The following AIG1 variants were observed in gnomAD, a reference collection of about 807,000 sequenced individuals.
AIG1 encodes androgen-induced gene 1 protein.
AIG1 carries 23 observed loss-of-function variants against 31.4 expected under a neutral mutation model. The ratio of observed to expected loss-of-function variants is 0.73; its 90% confidence interval spans 0.53 to 1.04. The LOEUF is 1.04. Among genes scored for constraint, AIG1 ranks in the 50% least tolerant of loss-of-function variants. AIG1 has a pLI of 0.00. For missense variants in AIG1, 274 were observed against 295.0 expected (o/e 0.93, Z 0.52); for synonymous variants, 100 against 110.5 (o/e 0.90, Z 0.60).
Position 143,268,503 on chromosome 6 carries a change from T to C in AIG1, c.400-15607T>C, listed in dbSNP as rs1796302843. Among the ~76,000 whole-genome samples the C allele has an allele frequency of 6.6e-6, 1 of 152,234 alleles. No individual in the cohort carries two copies. The highest frequency in any genetic ancestry group is 2.1e-4 in the South Asian group (1 of 4,834). ...CCAGTTATATGTCAAGGAGGCTTAT[T>C]AGCTGTGCATGACCATATATAAAAT... On this transcript the variant is annotated intron_variant, in intron 3 of 5. Coordinates refer to ENST00000357847, the MANE Select transcript of AIG1 (RefSeq NM_016108.4). The surrounding 1 kb of genome is among the most constrained non-coding windows in gnomAD (Gnocchi z 5.0).
intron 1 of AIG1, among the ~76,000 whole-genome samples, chr6:143,063,212 A>G (rs1011666105): frequency 6.6e-6 from 1 of 152,246 alleles, no homozygotes; most frequent in African/African-American, 2.4e-5. Flanking sequence ...GCATTCAATG[A>G]TTGGACTTGC....
At chr6:143,163,371 G>A (rs1388937915) in intron 2 of AIG1, among the ~76,000 whole-genome samples, 2 of 152,184 alleles carry the variant, frequency 1.3e-5, no homozygotes, top group African/African-American at 4.8e-5. Flanking sequence ...GCTTAGAAAC[G>A]CTAGCCAGTT....
chr6:143,142,279 T>C (rs992297415), intron 2 of AIG1, among the ~76,000 whole-genome samples: 1 of 152,106 alleles, frequency 6.6e-6, no homozygotes, highest in Non-Finnish European at 1.5e-5. Flanking sequence ...CCACTAAATT[T>C]CCCAGGCTGG....
intron 1 of AIG1, among the ~76,000 whole-genome samples, chr6:143,102,226 G>C (rs1280711992): frequency 6.6e-6 from 1 of 151,590 alleles, no homozygotes; most frequent in African/African-American, 2.4e-5. Flanking sequence ...ACACAATCTT[G>C]TGGATATGTG....
rs1777785720 is a variant in AIG1, at chr6:143,339,915, A to G, written c.*239A>G. On this transcript the variant is annotated 3_prime_UTR_variant, in exon 6 of 6. Transcript: ENST00000357847. ...TCCCAAAGTCATTACTGATAATAAC[A>G]TTTTTTCCTTTTCTAGTTTTAAAAC... The G allele has an allele frequency of 1.1e-5, 4 of 352,130 alleles. No homozygotes were observed. The highest frequency in any genetic ancestry group is 1.5e-5 in the Non-Finnish European group (3 of 198,944). The allele number at this position is 352,130 out of a possible 1,614,324, so 21.8% of individuals were successfully genotyped here. A position where few individuals can be genotyped will look rare whatever the true frequency, so the allele number is the denominator to read the frequency against.
chr6:143,192,148 T>G (rs955525806), intron 3 of AIG1, among the ~76,000 whole-genome samples: 14 of 152,214 alleles, frequency 9.2e-5, no homozygotes, highest in African/African-American at 3.4e-4. Context: ...TTGAGGAGTC[T>G]GAGGATGTTC....
chr6:143,304,520 G>A (rs1473899891), intron 4 of AIG1, among the ~76,000 whole-genome samples: 1 of 152,118 alleles, frequency 6.6e-6, no homozygotes, highest in Admixed American at 6.6e-5. Context: ...TTATATGCTG[G>A]ATTACATTTA....
chr6:143,321,667 G>A lies in AIG1; in HGVS notation c.516-11615G>A, dbSNP rs1026881579. On this transcript the variant is annotated intron_variant, in intron 4 of 5. Coordinates refer to ENST00000357847, the MANE Select transcript of AIG1 (RefSeq NM_016108.4). ...GTTGAATGTGGCTTCCTCTGGGGCA[G>A]AACAGGGCATGAAGAGGAAACTAAA... Among the ~76,000 whole-genome samples, 91 of 152,170 alleles carry A rather than the reference G, an allele frequency of 6.0e-4. 1 individual carries two copies. The highest frequency in any genetic ancestry group is 2.2e-3 in the African/African-American group (90 of 41,444).
chr6:143,118,655 GTATT>G (rs918056485), intron 1 of AIG1, among the ~76,000 whole-genome samples: 1 of 152,082 alleles, frequency 6.6e-6, no homozygotes, highest in African/African-American at 2.4e-5. Context: ...CACGTCTCCT[GTATT>G]TATTCAATCA....
At chr6:143,238,500 T>G (rs1202137603) in intron 3 of AIG1, among the ~76,000 whole-genome samples, 21 of 152,246 alleles carry the variant, frequency 1.4e-4, no homozygotes, top group Admixed American at 1.4e-3. Flanking sequence ...AACTGGGTCA[T>G]ATGTTGAGCC....
chr6:143,119,884 A>G lies in AIG1; in HGVS notation c.142-16951A>G, dbSNP rs866301129. On this transcript the variant is annotated intron_variant, in intron 1 of 5. Transcript: ENST00000357847. ...AGAAGTTGGACTTTGTATATTTACC[A>G]AAACAATTTGTCCTGGGCTCAGTGT... Among the ~76,000 whole-genome samples the G allele has an allele frequency of 6.6e-5, 10 of 152,324 alleles. No individual in the cohort carries two copies. In the South Asian group the frequency reaches 1.2e-3, roughly 19 times the overall value.
intron 1 of AIG1, among the ~76,000 whole-genome samples, chr6:143,068,039 G>C (rs953153203): frequency 6.6e-6 from 1 of 152,144 alleles, no homozygotes; most frequent in Non-Finnish European, 1.5e-5. Context: ...GCCTGGTTTT[G>C]TTAGAGTGGG....
intron 4 of AIG1, among the ~76,000 whole-genome samples, chr6:143,300,502 A>C (rs1001182677): frequency 8.5e-5 from 13 of 152,186 alleles, no homozygotes; most frequent in African/African-American, 3.1e-4. Context: ...TCCCAGTGTA[A>C]TCTAGCATTA....
At chr6:143,223,522 T>C (rs114252421) in intron 3 of AIG1, among the ~76,000 whole-genome samples, 1,630 of 152,302 alleles carry the variant, frequency 0.011, 28 homozygotes, top group African/African-American at 0.035. Context: ...GTGTTGCTTT[T>C]TGAAATGCTG....
intron 2 of AIG1, among the ~76,000 whole-genome samples, chr6:143,140,957 G>A (rs188074760): frequency 2.0e-3 from 311 of 152,300 alleles, no homozygotes; most frequent in Non-Finnish European, 3.4e-3. Flanking sequence ...CACCCTGACT[G>A]CTGGGGCACT....
chr6:143,276,682 GCAGTTCCTCAT>G (rs1796939020), intron 3 of AIG1, among the ~76,000 whole-genome samples: 1 of 151,782 alleles, frequency 6.6e-6, no homozygotes, highest in Non-Finnish European at 1.5e-5. Context: ...GCTGAGACTG[GCAGTTCCTCAT>G]CATTCAAAAC....
chr6:143,177,526 T>C (rs1788284845), intron 3 of AIG1, among the ~76,000 whole-genome samples: 1 of 152,224 alleles, frequency 6.6e-6, no homozygotes, highest in South Asian at 2.1e-4. Flanking sequence ...TGGTTCAGTA[T>C]GGGGGCAGTA....
intron 3 of AIG1, among the ~76,000 whole-genome samples, chr6:143,200,025 T>C (rs758037702): frequency 1.2e-4 from 18 of 152,100 alleles, no homozygotes; most frequent in Non-Finnish European, 2.5e-4. Context: ...AAGAATGATA[T>C]GGTTTTGAGT....
intron 3 of AIG1, among the ~76,000 whole-genome samples, chr6:143,243,031 A>G (rs192323050): frequency 1.3e-5 from 2 of 152,174 alleles, no homozygotes; most frequent in East Asian, 3.9e-4. Context: ...CATTATTTCC[A>G]TCCTAGATCT....
Sources: gnomAD v4.1 joint callset for allele counts (sites outside exome capture counted in the v4.1 genomes callset) on GRCh38, gnomAD v4.1.1 for gene constraint, Gnocchi (gnomAD v3.1) non-coding constraint, MANE v1.5 for transcripts, NCBI Gene and HGNC (gene_info 2026-07-23, HGNC 2026-07-21) for gene names.